The following POT1 variants were observed in gnomAD, a reference collection of about 807,000 sequenced individuals.
POT1 encodes the protein protection of telomeres 1.
In POT1, 47 loss-of-function variants were observed where a neutral mutation model predicts 78.5. The observed-to-expected ratio is 0.60, with a 90% CI of 0.47 to 0.76. POT1 has a LOEUF of 0.76. Ranked by LOEUF, POT1 falls within the 30% of genes least tolerant of loss-of-function variation. The pLI is 0.00. For synonymous variants in POT1, 259 were observed against 260.7 expected (o/e 0.99, Z 0.06); for missense variants, 646 against 749.9 (o/e 0.86, Z 1.62).
chr7:124,831,835 T>C (rs4731217), intron 15 of POT1, among the ~76,000 whole-genome samples: 60,386 of 151,354 alleles, frequency 0.4, 12,160 homozygotes, highest in East Asian at 0.49. Flanking sequence ...ATGAAAAATA[T>C]GCCATACTGC....
intron 9 of POT1, among the ~76,000 whole-genome samples, chr7:124,854,022 T>C (rs1795381657): frequency 6.6e-6 from 1 of 152,022 alleles, no homozygotes; most frequent in African/African-American, 2.4e-5. Context: ...ACTGGATGAC[T>C]ATAGGGATAC....
intron 2 of POT1, among the ~76,000 whole-genome samples, chr7:124,927,246 T>C (rs1242556207): frequency 6.6e-6 from 1 of 152,182 alleles, no homozygotes; most frequent in Non-Finnish European, 1.5e-5. Context: ...TGATCAATAA[T>C]TTCTTGGTTA....
At position 124,823,832 on chromosome 7, in the gene POT1, G is replaced by A; in HGVS notation, c.*130C>T. On this transcript the variant is annotated 3_prime_UTR_variant, in exon 19 of 19. Coordinates refer to ENST00000357628, the MANE Select transcript of POT1 (RefSeq NM_015450.3). ...GTAAAAGCCAAGAGATTTAAGGTAA[G>A]GACATTTTCTAATCCCATACCCATG... 1 of 649,656 alleles carries A rather than the reference G, an allele frequency of 1.5e-6. No homozygotes were observed. The highest frequency in any genetic ancestry group is 2.7e-6 in the Non-Finnish European group (1 of 364,786). 40.2% of individuals were successfully genotyped at this position (649,656 alleles called of 1,614,324 possible). A position where few individuals can be genotyped will look rare whatever the true frequency, so the allele number is the denominator to read the frequency against.
At chr7:124,928,267 T>TAGG (rs1797323865) in intron 2 of POT1, among the ~76,000 whole-genome samples, 1 of 152,178 alleles carries the variant, frequency 6.6e-6, no homozygotes, top group Non-Finnish European at 1.5e-5. Context: ...ATTCTCTACC[T>TAGG]AGGAGCAAAG....
At chr7:124,910,724 A>C (rs551106884) in intron 3 of POT1, among the ~76,000 whole-genome samples, 1 of 151,970 alleles carries the variant, frequency 6.6e-6, no homozygotes, top group Non-Finnish European at 1.5e-5. Context: ...AAGAAATTAG[A>C]ATTTGCATCT....
chr7:124,853,227 A>G (rs1795359065), intron 9 of POT1, 89 bp from the exon 10 acceptor site: 1 of 964,038 alleles, frequency 1.0e-6, no homozygotes, highest in South Asian at 1.7e-5. Flanking sequence ...TATGGGGCCA[A>G]TGAGGGCACT....
intron 5 of POT1, 93 bp from the exon 6 acceptor site, chr7:124,892,473 A>G (rs1796395345): frequency 4.7e-6 from 3 of 642,672 alleles, no homozygotes; most frequent in Non-Finnish European, 7.5e-6. Flanking sequence ...CCATGTAACT[A>G]TTTTATCCTT....
intron 12 of POT1, among the ~76,000 whole-genome samples, chr7:124,844,595 T>C (rs550717237): frequency 1.3e-5 from 2 of 150,178 alleles, no homozygotes; most frequent in African/African-American, 4.9e-5. Context: ...AATTAGCCGG[T>C]GTGGTGGCGG....
intron 7 of POT1, among the ~76,000 whole-genome samples, chr7:124,866,097 T>A (rs990740853): frequency 7.9e-5 from 12 of 152,172 alleles, no homozygotes; most frequent in African/African-American, 2.9e-4. Flanking sequence ...TGTCTGGTCA[T>A]CTTAAACTCA....
intron 2 of POT1, among the ~76,000 whole-genome samples, chr7:124,919,504 T>C (rs1278114106): frequency 6.6e-6 from 1 of 152,076 alleles, no homozygotes. Flanking sequence ...GGCCATTAAA[T>C]AGGTAGTTTG....
chr7:124,874,945 C>CA (rs376593739), intron 6 of POT1, among the ~76,000 whole-genome samples: 113 of 147,272 alleles, frequency 7.7e-4, no homozygotes, highest in South Asian at 3.0e-3. Flanking sequence ...AACTTGGAAC[C>CA]AAAAAAAAAC....
At chr7:124,836,779 A>C (rs1794909185) in intron 14 of POT1, among the ~76,000 whole-genome samples, 2 of 152,220 alleles carry the variant, frequency 1.3e-5, no homozygotes, top group Non-Finnish European at 2.9e-5. Flanking sequence ...TAAATGAGTT[A>C]ATATTTGTAA....
chr7:124,866,169 G>A (rs1401340268), intron 7 of POT1, among the ~76,000 whole-genome samples: 2 of 152,104 alleles, frequency 1.3e-5, no homozygotes, highest in Non-Finnish European at 2.9e-5. Context: ...GTTTCCCAAA[G>A]TCTTCTACCT....
chr7:124,874,645 G>T (rs966601262), intron 6 of POT1, among the ~76,000 whole-genome samples: 1 of 151,584 alleles, frequency 6.6e-6, no homozygotes, highest in Non-Finnish European at 1.5e-5. Context: ...TGAGGCAGGA[G>T]AATCGCTTGA....
chr7:124,875,360 G>A (rs1795964486), intron 6 of POT1, among the ~76,000 whole-genome samples: 1 of 151,966 alleles, frequency 6.6e-6, no homozygotes, highest in Non-Finnish European at 1.5e-5. Flanking sequence ...GTGAAATGAG[G>A]CAATTGTCTA....
intron 5 of POT1, among the ~76,000 whole-genome samples, chr7:124,894,527 A>G (rs1457038802): frequency 6.6e-6 from 1 of 151,632 alleles, no homozygotes; most frequent in African/African-American, 2.4e-5. Context: ...TATGTGTACA[A>G]CAGCTAAGAT....
At chr7:124,890,853 T>G (rs1216517353) in intron 6 of POT1, among the ~76,000 whole-genome samples, 1 of 151,916 alleles carries the variant, frequency 6.6e-6, no homozygotes, top group African/African-American at 2.4e-5. Context: ...CTGCTATTGA[T>G]TTCTAGTTTG....
chr7:124,879,876 A>G lies in POT1; in HGVS notation c.125-8835T>C, dbSNP rs541272031. Among the ~76,000 whole-genome samples the G allele has an allele frequency of 3.9e-5, 6 of 152,242 alleles. No individual in the cohort carries two copies. The East Asian group carries it at 1.2e-3, about 29-fold the overall frequency. ...AAACAAATCCCACAATACACAATAC[A>G]ACAACTGTTCTTCCACACAGTACAT... On this transcript the variant is annotated intron_variant, in intron 6 of 18. Transcript: ENST00000357628.
intron 15 of POT1, among the ~76,000 whole-genome samples, chr7:124,829,769 C>G (rs1054571634): frequency 1.3e-5 from 2 of 151,928 alleles, no homozygotes; most frequent in Non-Finnish European, 2.9e-5. Flanking sequence ...CTCTGTCACC[C>G]AGGCACTGTC....
Sources: gnomAD v4.1 joint callset for allele counts (sites outside exome capture counted in the v4.1 genomes callset) on GRCh38, gnomAD v4.1.1 for gene constraint, MANE v1.5 for transcripts, NCBI Gene and HGNC (gene_info 2026-07-23, HGNC 2026-07-21) for gene names.